Variants in DMXL1 observed in about 807,000 individuals in gnomAD.
The protein encoded by DMXL1 is dmX-like protein 1.
Under a neutral mutation model 319.2 loss-of-function variants are expected in DMXL1, and 99 were observed. That is an observed-to-expected ratio of 0.31 (90% CI 0.26 to 0.37). The LOEUF (loss-of-function observed/expected upper bound fraction) is 0.37. Among genes scored for constraint, DMXL1 ranks in the 10% least tolerant of loss-of-function variants. The probability of loss-of-function intolerance (pLI) is 1.00; values close to 1 mark genes in which losing one functional copy is unlikely to be tolerated. For missense variants in DMXL1, 3,745 were observed against 3,595.6 expected (o/e 1.04, Z -1.06); for synonymous variants, 1,385 against 1,235.2 (o/e 1.12, Z -2.54).
chr5:119,071,762 C>A, intron 1 of DMXL1, 106 bp downstream of exon 1: 2 of 1,048,776 alleles, frequency 1.9e-6, no homozygotes, highest in Non-Finnish European at 2.7e-6. Flanking sequence ...CTTGTCTCCC[C>A]AGGGGGGTCC....
rs1400530686 is a variant in DMXL1, at chr5:119,247,643, T to C, written c.*424T>C. On this transcript the variant is annotated 3_prime_UTR_variant, in exon 44 of 44. Transcript: ENST00000539542. ...TTTATTAGCCTTATACATCTCAAAC[T>C]CTTCTCTTAATTAATGATAGGTATT... 6.6e-6 allele frequency: 1 copy of C among 152,356 alleles called. No homozygotes were observed. Among genetic ancestry groups the C allele is most frequent in the Non-Finnish European group, 1.5e-5 (1 of 68,188 alleles). 9.4% of individuals were successfully genotyped at this position (152,356 alleles called of 1,614,324 possible).
At chr5:119,131,421 A>G (rs1446703167) in intron 10 of DMXL1, among the ~76,000 whole-genome samples, 2 of 152,142 alleles carry the variant, frequency 1.3e-5, no homozygotes, top group Admixed American at 1.3e-4. Flanking sequence ...TTTCCTTGAA[A>G]TGATTTCTTT....
At chr5:119,210,605 C>T (rs1472716111) in intron 34 of DMXL1, among the ~76,000 whole-genome samples, 1 of 152,070 alleles carries the variant, frequency 6.6e-6, no homozygotes, top group East Asian at 1.9e-4. Context: ...ATGAGTAGGT[C>T]TAATTCTGGA....
At chr5:119,078,318 A>G (rs1468842367) in intron 1 of DMXL1, among the ~76,000 whole-genome samples, 1 of 152,146 alleles carries the variant, frequency 6.6e-6, no homozygotes. Context: ...TTCTAGTATT[A>G]AGGAGAACAT....
chr5:119,110,291 A>C lies in DMXL1; in HGVS notation c.497+8A>C. 1 of 1,552,414 alleles carries C rather than the reference A, an allele frequency of 6.4e-7. No homozygotes were observed. The highest frequency in any genetic ancestry group is 8.6e-7 in the Non-Finnish European group (1 of 1,159,030). On this transcript the variant is annotated splice_region_variant and intron_variant, in intron 5 of 43. Coordinates refer to ENST00000539542, the MANE Select transcript of DMXL1 (RefSeq NM_001290321.3). ...ATGCATTTGGCATTGCAAGTAAGCAATTAATCAGGGGAGTAAACTGATAAA... is the reference window on the plus strand; with the variant it reads ...ATGCATTTGGCATTGCAAGTAAGCACTTAATCAGGGGAGTAAACTGATAAA...
Position 119,133,691 on chromosome 5 carries a change from A to G in DMXL1, c.1767A>G (p.Lys589=), listed in dbSNP as rs751220016. ...ACAATAAATCATCTAATAGTTTAAAATTAAGTATTTTTACGCCTAATGTTA... is the reference window on the plus strand; with the variant it reads ...ACAATAAATCATCTAATAGTTTAAAGTTAAGTATTTTTACGCCTAATGTTA... The part of the protein sequence containing the change: ...SGHNKSSNSL[K]LSIFTPNVMM... Residue 589 remains lysine (K), a synonymous_variant, in exon 12 of 44, where the codon AAA becomes AAG. Coordinates refer to ENST00000539542, the MANE Select transcript of DMXL1 (RefSeq NM_001290321.3). 1.2e-6 allele frequency: 2 copies of G among 1,614,066 alleles called. No individual in the cohort carries two copies. Among genetic ancestry groups the G allele is most frequent in the African/African-American group, 2.7e-5 (2 of 74,930 alleles).
chr5:119,234,708 G>C (rs1787407976), intron 39 of DMXL1, among the ~76,000 whole-genome samples: 1 of 151,924 alleles, frequency 6.6e-6, no homozygotes, highest in Non-Finnish European at 1.5e-5. Context: ...TTTCAACTTG[G>C]GTTGTCAGTT....
intron 21 of DMXL1, among the ~76,000 whole-genome samples, chr5:119,165,882 G>T (rs1028529234): frequency 6.6e-6 from 1 of 152,186 alleles, no homozygotes; most frequent in African/African-American, 2.4e-5. Flanking sequence ...TGAGATTTGG[G>T]TGGGGACACA....
rs761692139 is a variant in DMXL1 at position 119,148,800 on chromosome 5, A to G, written c.2973A>G (p.Ser991=). Residue 991 remains serine (S), a synonymous_variant, in exon 18 of 44, where the codon TCA becomes TCG. Transcript: ENST00000539542. ...GTGCTCCTTATTTATTGGCAACTTCATGTTCAGATGAGAAAGTAAGATTCT... is the reference window on the plus strand; with the variant it reads ...GTGCTCCTTATTTATTGGCAACTTCGTGTTCAGATGAGAAAGTAAGATTCT... ...ACSAPYLLAT[S]CSDEKVRFWR... The G allele has an allele frequency of 1.2e-6, 2 of 1,613,684 alleles. No homozygotes were observed. The highest frequency in any genetic ancestry group is 1.7e-5 in the Admixed American group (1 of 59,954).
intron 1 of DMXL1, among the ~76,000 whole-genome samples, chr5:119,084,427 C>T (rs759973315): frequency 1.4e-4 from 22 of 152,156 alleles, no homozygotes; most frequent in Admixed American, 1.4e-3. Context: ...ACCTTTTCCC[C>T]AAAAGCGTTC....
chr5:119,082,492 C>T (rs977073093), intron 1 of DMXL1, among the ~76,000 whole-genome samples: 8 of 152,036 alleles, frequency 5.3e-5, no homozygotes, highest in East Asian at 1.9e-4. Flanking sequence ...CCAGACTGGT[C>T]GTGAACTCCT....
intron 19 of DMXL1, among the ~76,000 whole-genome samples, chr5:119,159,864 T>TCTGC (rs1771906031): frequency 6.6e-6 from 1 of 152,228 alleles, no homozygotes; most frequent in Non-Finnish European, 1.5e-5. Flanking sequence ...TCTCAAGTGA[T>TCTGC]CTGCCTGCCT....
intron 11 of DMXL1, 24 bp downstream of exon 11, chr5:119,133,409 C>G: frequency 6.3e-7 from 1 of 1,599,282 alleles, no homozygotes; most frequent in Non-Finnish European, 8.5e-7. Context: ...TTCTGGAGAG[C>G]TACTTCCTTG....
At position 119,088,425 on chromosome 5, in the gene DMXL1, G is replaced by A. The variant is rs1156680356; in HGVS notation, c.88-9554G>A. Among the ~76,000 whole-genome samples the A allele has an allele frequency of 2.6e-5, 4 of 152,102 alleles. No homozygotes were observed. In the East Asian group the frequency reaches 7.7e-4, roughly 29 times the overall value. On this transcript the variant is annotated intron_variant, in intron 1 of 43. Transcript: ENST00000539542. ...TCAGCCACTCTGTGCCTTCTAATGGGAGAATAAAGCCCCTTTACATTGTGT... is the reference window on the plus strand; with the variant it reads ...TCAGCCACTCTGTGCCTTCTAATGGAAGAATAAAGCCCCTTTACATTGTGT...
chr5:119,174,241 T>TA (rs1293278796), intron 25 of DMXL1, among the ~76,000 whole-genome samples: 2 of 152,182 alleles, frequency 1.3e-5, no homozygotes, highest in East Asian at 3.9e-4. Flanking sequence ...ACACCTAGAT[T>TA]TTTTTCAAAT....
chr5:119,118,960 A>C lies in DMXL1; in HGVS notation c.889A>C (p.Lys297Gln). 1 of 1,613,558 alleles carries C rather than the reference A, an allele frequency of 6.2e-7. No individual in the cohort carries two copies. The highest frequency in any genetic ancestry group is 8.5e-7 in the Non-Finnish European group (1 of 1,179,852). ...TESINLTNNF[K>Q]RNASSKERVQ... is the part of the protein sequence containing the mutation. ...ATCAATTAATTTAACAAATAACTTC[A>C]AGAGAAATGCTTCCAGTAAAGAACG... Residue 297 changes from lysine (K) to glutamine (Q), a missense_variant, in exon 8 of 44, where the codon AAG becomes CAG. Physicochemically the swap from Lys to Gln is moderately conservative, Grantham distance 53 (BLOSUM62 1). Coordinates refer to ENST00000539542, the MANE Select transcript of DMXL1 (RefSeq NM_001290321.3).
chr5:119,240,344 A>C, intron 41 of DMXL1, 75 bp from the exon 42 acceptor site: 1 of 1,048,968 alleles, frequency 9.5e-7, no homozygotes, highest in Non-Finnish European at 1.4e-6. Context: ...TTTAAAGGTC[A>C]CACAGTTATA....
chr5:119,129,164 A>G, intron 9 of DMXL1, 47 bp from the exon 10 acceptor site: 1 of 1,198,434 alleles, frequency 8.3e-7, no homozygotes, highest in Non-Finnish European at 1.2e-6. Context: ...GATGTTTCAT[A>G]TGCTAGAAGG....
At chr5:119,244,215 T>C (rs560011852) in intron 42 of DMXL1, 144 bp from the exon 43 acceptor site, 177 of 659,132 alleles carry the variant, frequency 2.7e-4, no homozygotes, top group African/African-American at 2.7e-3. Context: ...GTGTCTGAAA[T>C]CATTGGTTTT....
Sources: gnomAD v4.1 joint callset for allele counts (sites outside exome capture counted in the v4.1 genomes callset) on GRCh38, gnomAD v4.1.1 for gene constraint, MANE v1.5 for transcripts, NCBI Gene and HGNC (gene_info 2026-07-23, HGNC 2026-07-21) for gene names.